NDE1: variants seen among roughly 807,000 people sequenced by gnomAD.
The protein encoded by NDE1 is nuclear distribution protein nudE homolog 1.
Under a neutral mutation model 43.4 loss-of-function variants are expected in NDE1, and 28 were observed. The observed-to-expected ratio is 0.65, with a 90% CI of 0.48 to 0.89. The LOEUF is 0.89. Ranked by LOEUF, NDE1 falls within the 40% of genes least tolerant of loss-of-function variation. The pLI is 0.00. For missense variants in NDE1, 441 were observed against 434.1 expected, an observed-to-expected ratio of 1.02 and a Z score of -0.14; for synonymous variants, 184 against 172.0, an observed-to-expected ratio of 1.07 and a Z score of -0.55.
intron 4 of NDE1, chr16:15,687,153 G>C: frequency 6.9e-7 from 1 of 1,443,388 alleles, no homozygotes; most frequent in Non-Finnish European, 9.1e-7. Context: ...TAATCCTCAT[G>C]ACAGCCTCGT....
At chr16:15,699,843 G>A (rs1253201061) in intron 8 of NDE1, 1 of 1,347,550 alleles carries the variant, frequency 7.4e-7, no homozygotes, top group African/African-American at 1.5e-5. Context: ...GAAGCTGAAG[G>A]TCTTGGTGTT....
At chr16:15,661,448 G>C (rs62036926) in intron 1 of NDE1, among the ~76,000 whole-genome samples, 1 of 150,932 alleles carries the variant, frequency 6.6e-6, no homozygotes. Context: ...GCGCCCGGCC[G>C]AGTTTTCCTT....
intron 4 of NDE1, among the ~76,000 whole-genome samples, chr16:15,678,594 A>G (rs887773089): frequency 6.6e-6 from 1 of 152,084 alleles, no homozygotes; most frequent in African/African-American, 2.4e-5. Flanking sequence ...CAAACTCCTT[A>G]GCCTCCAAAG....
At chr16:15,673,431 C>T (rs1363243695) in intron 3 of NDE1, among the ~76,000 whole-genome samples, 1 of 152,096 alleles carries the variant, frequency 6.6e-6, no homozygotes, top group Non-Finnish European at 1.5e-5. Context: ...TCTCAAACTC[C>T]TGACCTCAAG....
intron 1 of NDE1, among the ~76,000 whole-genome samples, chr16:15,653,011 G>A (rs1173990609): frequency 6.6e-6 from 1 of 152,068 alleles, no homozygotes; most frequent in Admixed American, 6.6e-5. Context: ...GTATATATGT[G>A]TATGTAGTTT....
intron 8 of NDE1, chr16:15,718,644 G>T: frequency 1.4e-6 from 1 of 692,552 alleles, no homozygotes; most frequent in Admixed American, 2.9e-5. Flanking sequence ...AGCAAAGCTG[G>T]GATTGGGATG....
Position 15,691,330 on chromosome 16 carries a change from G to A in NDE1, c.703+7G>A, listed in dbSNP as rs969743091. On this transcript the variant is annotated splice_region_variant and intron_variant, in intron 6 of 8. Transcript: ENST00000396354. ...CCTGGGAGCTTCAGACGTGGTAAGG[G>A]GAGTGGGAATTGCAGGATTTTCTCG... 1 of 1,613,890 alleles carries A rather than the reference G, an allele frequency of 6.2e-7. No homozygotes were observed. Among genetic ancestry groups the A allele is most frequent in the Non-Finnish European group, 8.5e-7 (1 of 1,179,912 alleles).
At chr16:15,648,234 T>TC (rs1476356029), upstream of NDE1, among the ~76,000 whole-genome samples, 1 of 152,080 alleles carries the variant, frequency 6.6e-6, no homozygotes, top group Non-Finnish European at 1.5e-5. Flanking sequence ...TTATACTCCT[T>TC]TAGTTATTTT....
chr16:15,677,241 A>T (rs1451326879), intron 3 of NDE1, among the ~76,000 whole-genome samples: 2 of 151,980 alleles, frequency 1.3e-5, no homozygotes, highest in African/African-American at 4.8e-5. Context: ...TGGGACAGAA[A>T]GCCTGGAGCC....
At chr16:15,653,151 A>G (rs1239051423) in intron 1 of NDE1, among the ~76,000 whole-genome samples, 2 of 152,306 alleles carry the variant, frequency 1.3e-5, no homozygotes, top group Non-Finnish European at 2.9e-5. Context: ...CCCATTTTTA[A>G]CATATCCTGA....
At chr16:15,643,753 T>G in exon 1 of NDE1, 1 of 213,730 alleles carries the variant, frequency 4.7e-6, no homozygotes, top group Non-Finnish European at 9.4e-6. Flanking sequence ...TGCGACCCAG[T>G]TGGCAAAAAT....
chr16:15,680,104 T>C (rs1005604661), intron 4 of NDE1, among the ~76,000 whole-genome samples: 1 of 152,156 alleles, frequency 6.6e-6, no homozygotes, highest in Admixed American at 6.6e-5. Flanking sequence ...TTTTATGTTC[T>C]TGATTTATTT....
chr16:15,670,724 T>C (rs967941263), intron 3 of NDE1, among the ~76,000 whole-genome samples: 5 of 151,324 alleles, frequency 3.3e-5, no homozygotes, highest in Non-Finnish European at 7.4e-5. Flanking sequence ...TGGAGGGTGT[T>C]TGTAGGTGTA....
intron 4 of NDE1, among the ~76,000 whole-genome samples, chr16:15,679,420 A>G (rs530541542): frequency 6.6e-6 from 1 of 151,844 alleles, no homozygotes; most frequent in African/African-American, 2.4e-5. Context: ...TCTTTTCCCT[A>G]ATTATTTTTT....
intron 1 of NDE1, among the ~76,000 whole-genome samples, chr16:15,660,468 ATC>A (rs2151422750): frequency 6.6e-6 from 1 of 151,776 alleles, no homozygotes; most frequent in East Asian, 1.9e-4. Flanking sequence ...TTGAGACCCT[ATC>A]TCTTAAAAAA....
chr16:15,650,136 GAT>G (rs1188289402), upstream of NDE1: 1 of 155,550 alleles, frequency 6.4e-6, no homozygotes, highest in Non-Finnish European at 1.4e-5. Flanking sequence ...GCTCTGCGCT[GAT>G]TGGCCGAGGC....
chr16:15,644,747 A>G (rs992208226), intron 1 of NDE1, among the ~76,000 whole-genome samples: 5 of 152,062 alleles, frequency 3.3e-5, no homozygotes, highest in Non-Finnish European at 7.4e-5. Flanking sequence ...CAAATACGCT[A>G]CTCTTCAGAG....
At chr16:15,721,468 G>A (rs1168631155) in intron 8 of NDE1, 1 of 1,614,138 alleles carries the variant, frequency 6.2e-7, no homozygotes, top group Non-Finnish European at 8.5e-7. Flanking sequence ...TTCCATTTCG[G>A]CTTTGAGCAT....
At chr16:15,724,107 G>A in intron 8 of NDE1, 84 bp from the exon 9 acceptor site, 1 of 1,609,356 alleles carries the variant, frequency 6.2e-7, no homozygotes, top group East Asian at 2.2e-5. Flanking sequence ...CTGCAGAGCT[G>A]ATTCCCCAAC....
Sources: gnomAD v4.1 joint callset for allele counts (sites outside exome capture counted in the v4.1 genomes callset) on GRCh38, gnomAD v4.1.1 for gene constraint, MANE v1.5 for transcripts, NCBI Gene and HGNC (gene_info 2026-07-23, HGNC 2026-07-21) for gene names.